Variants in RFC3 observed in about 807,000 individuals in gnomAD.
RFC3 encodes A1 38 kDa subunit.
RFC3 carries 41 observed loss-of-function variants against 45.1 expected under a neutral mutation model. The ratio of observed to expected loss-of-function variants is 0.91; its 90% CI spans 0.71 to 1.18. The LOEUF (loss-of-function observed/expected upper bound fraction) is 1.18. Among genes scored for constraint, RFC3 ranks in the 50% most tolerant of loss-of-function variants. RFC3 has a pLI of 0.00. For missense variants in RFC3, 423 were observed against 428.1 expected, an observed-to-expected ratio of 0.99 and a Z score of 0.10; for synonymous variants, 149 against 144.0, an observed-to-expected ratio of 1.03 and a Z score of -0.25.
rs569383500 is a variant in RFC3, at chr13:33,876,274, G to C, written c.879+41057G>C. 3.9e-5 allele frequency among the ~76,000 whole-genome samples: 6 copies of C among 152,298 alleles called. No individual in the cohort carries two copies. The South Asian group carries it at 1.2e-3, about 32-fold the overall frequency. On this transcript the variant is annotated intron_variant, in intron 8 of 8. Coordinates refer to the RFC3 transcript ENST00000434425. ...CTGAAGATACAGCTGCTAGAGAAGC[G>C]CTTCCGTGGTCTGTCCTATCAGGGA...
intron 8 of RFC3, among the ~76,000 whole-genome samples, chr13:33,866,926 A>G (rs2082377301): frequency 6.6e-6 from 1 of 152,176 alleles, no homozygotes; most frequent in African/African-American, 2.4e-5. Context: ...TCTTGTACAT[A>G]TGTGTACATA....
intron 8 of RFC3, among the ~76,000 whole-genome samples, chr13:33,859,506 A>G (rs970182482): frequency 9.2e-5 from 14 of 152,256 alleles, no homozygotes; most frequent in African/African-American, 3.1e-4. Flanking sequence ...AAAAGTGACT[A>G]TGTATAGAGA....
At chr13:33,911,828 TAGGACCC>T (rs2082705261) in intron 8 of RFC3, among the ~76,000 whole-genome samples, 1 of 152,038 alleles carries the variant, frequency 6.6e-6, no homozygotes, top group Admixed American at 6.6e-5. Flanking sequence ...TACCTCCCAC[TAGGACCC>T]ACCTCCCAAT....
intron 4 of RFC3, among the ~76,000 whole-genome samples, chr13:33,826,814 A>C (rs976025804): frequency 6.6e-6 from 1 of 152,040 alleles, no homozygotes; most frequent in Non-Finnish European, 1.5e-5. Context: ...TTATGGCTCT[A>C]AATACTTTTT....
the RFC3 span, among the ~76,000 whole-genome samples, chr13:33,975,381 A>G: frequency 6.6e-6 from 1 of 152,234 alleles, no homozygotes; most frequent in Non-Finnish European, 1.5e-5. Flanking sequence ...TAGAAGTTCC[A>G]TAGGGGAAAG....
At chr13:33,951,813 G>A (rs1222870716) in intron 8 of RFC3, among the ~76,000 whole-genome samples, 1 of 152,186 alleles carries the variant, frequency 6.6e-6, no homozygotes, top group Non-Finnish European at 1.5e-5. Context: ...ATAAGCAGTA[G>A]CTTAGATTCT....
intron 8 of RFC3, among the ~76,000 whole-genome samples, chr13:33,894,756 A>T (rs1327344853): frequency 1.3e-5 from 2 of 152,168 alleles, no homozygotes; most frequent in African/African-American, 4.8e-5. Flanking sequence ...ACTTCAAATT[A>T]TATTACAAGG....
chr13:33,884,433 A>G (rs901346807), intron 8 of RFC3, among the ~76,000 whole-genome samples: 1 of 152,242 alleles, frequency 6.6e-6, no homozygotes, highest in African/African-American at 2.4e-5. Context: ...TTAGAAGAGC[A>G]GTCTTTGAAA....
chr13:33,881,536 C>T (rs1349650441), intron 8 of RFC3, among the ~76,000 whole-genome samples: 1 of 151,976 alleles, frequency 6.6e-6, no homozygotes, highest in Non-Finnish European at 1.5e-5. Flanking sequence ...TCTCAGGCCT[C>T]GCAATTCCTT....
intron 1 of RFC3, among the ~76,000 whole-genome samples, chr13:33,819,333 A>G (rs1250670915): frequency 6.6e-6 from 1 of 152,242 alleles, no homozygotes; most frequent in African/African-American, 2.4e-5. Context: ...AAGGATCTTT[A>G]GGAGAATAAA....
chr13:33,898,579 T>G (rs1210805366), intron 8 of RFC3, among the ~76,000 whole-genome samples: 3 of 151,818 alleles, frequency 2.0e-5, no homozygotes, highest in Non-Finnish European at 4.4e-5. Context: ...ATAAACAACT[T>G]AATGATGTAC....
At chr13:33,877,579 T>C (rs1593659389) in intron 8 of RFC3, among the ~76,000 whole-genome samples, 1 of 152,202 alleles carries the variant, frequency 6.6e-6, no homozygotes, top group Non-Finnish European at 1.5e-5. Context: ...GCCACTACTT[T>C]GTCTGATGTT....
intron 8 of RFC3, among the ~76,000 whole-genome samples, chr13:33,866,906 G>A (rs1411722249): frequency 6.6e-6 from 1 of 152,054 alleles, no homozygotes; most frequent in African/African-American, 2.4e-5. Context: ...TTTTGAACAT[G>A]GTTATTCATT....
At chr13:33,857,293 A>C (rs1406354352) in intron 8 of RFC3, among the ~76,000 whole-genome samples, 2 of 152,222 alleles carry the variant, frequency 1.3e-5, no homozygotes, top group African/African-American at 2.4e-5. Context: ...ATAATTTTGG[A>C]CAGAAAATAG....
chr13:33,876,865 C>T (rs1388040568), intron 8 of RFC3, among the ~76,000 whole-genome samples: 1 of 152,208 alleles, frequency 6.6e-6, no homozygotes, highest in Non-Finnish European at 1.5e-5. Context: ...TCTCTCTGAG[C>T]TCCCAAATCC....
At chr13:33,894,297 TG>T (rs1190561555) in intron 8 of RFC3, among the ~76,000 whole-genome samples, 2 of 151,696 alleles carry the variant, frequency 1.3e-5, no homozygotes, top group South Asian at 4.2e-4. Context: ...ATTTAGTGAG[TG>T]GTGGGGAGTA....
intron 8 of RFC3, chr13:33,850,518 T>TA (rs1477926334): frequency 6.6e-6 from 1 of 152,138 alleles, no homozygotes; most frequent in Non-Finnish European, 1.5e-5. Flanking sequence ...GCTTTGATTT[T>TA]AAATTAATTG....
chr13:33,908,553 A>G (rs1282330435), intron 8 of RFC3, among the ~76,000 whole-genome samples: 3 of 151,276 alleles, frequency 2.0e-5, no homozygotes, highest in Admixed American at 6.6e-5. Flanking sequence ...TCTGTATTCT[A>G]TAATAGTCTG....
intron 8 of RFC3, among the ~76,000 whole-genome samples, chr13:33,907,076 A>C (rs2082676431): frequency 6.6e-6 from 1 of 152,058 alleles, no homozygotes; most frequent in African/African-American, 2.4e-5. Context: ...CTCTTGCCTC[A>C]GCCTCTCAGA....
Sources: gnomAD v4.1 joint callset for allele counts (sites outside exome capture counted in the v4.1 genomes callset) on GRCh38, gnomAD v4.1.1 for gene constraint, MANE v1.5 for transcripts, NCBI Gene and HGNC (gene_info 2026-07-23, HGNC 2026-07-21) for gene names.